KIF1B: variants seen among roughly 807,000 people sequenced by gnomAD.
KIF1B encodes kinesin-like protein KIF1B.
Under a neutral mutation model 241.9 loss-of-function variants are expected in KIF1B, and 76 were observed. The observed-to-expected ratio is 0.31, with a 90% CI of 0.26 to 0.38. The LOEUF (loss-of-function observed/expected upper bound fraction) is 0.38. KIF1B is among the 10% of genes least tolerant of loss of function. The probability of loss-of-function intolerance (pLI) is 1.00; values close to 1 mark genes in which losing one functional copy is unlikely to be tolerated. For missense variants in KIF1B, 1,622 were observed against 2,271.4 expected, an observed-to-expected ratio of 0.71 and a Z score of 5.81; for synonymous variants, 750 against 796.7, an observed-to-expected ratio of 0.94 and a Z score of 0.99.
At chr1:10,273,664 A>T (rs1261343748) in intron 10 of KIF1B, among the ~76,000 whole-genome samples, 2 of 140,834 alleles carry the variant, frequency 1.4e-5, no homozygotes, top group Non-Finnish European at 3.0e-5. Context: ...TTAATAAGAG[A>T]TGGAATTAAA....
chr1:10,357,735 G>A (rs994574515), intron 38 of KIF1B, among the ~76,000 whole-genome samples: 4 of 151,436 alleles, frequency 2.6e-5, no homozygotes, highest in African/African-American at 9.7e-5. Context: ...TAGGCCAGGC[G>A]CAGTGGCTCA....
chr1:10,357,795 G>A (rs10864454), intron 38 of KIF1B, among the ~76,000 whole-genome samples: 20,642 of 151,918 alleles, frequency 0.14, 1,517 homozygotes, highest in South Asian at 0.18. Context: ...GATCACCTGA[G>A]GTCAGGAGTT....
intron 12 of KIF1B, among the ~76,000 whole-genome samples, chr1:10,277,067 G>A (rs1167721152): frequency 2.7e-5 from 4 of 149,208 alleles, no homozygotes; most frequent in East Asian, 1.9e-4. Context: ...GAGACAGAGC[G>A]AGACTCCATC....
At chr1:10,272,981 C>G in intron 9 of KIF1B, 33 bp from the exon 10 acceptor site, 2 of 1,532,388 alleles carry the variant, frequency 1.3e-6, no homozygotes, top group Non-Finnish European at 1.8e-6. Context: ...ATCCTGTGTT[C>G]TTATTTTCTC....
rs1318417298 is a variant in KIF1B at position 10,365,290 on chromosome 1, G to GT, written c.4512+45_4512+46insT. 4 of 1,613,286 alleles carry GT rather than the reference G, an allele frequency of 2.5e-6. No homozygotes were observed. Among genetic ancestry groups the GT allele is most frequent in the Non-Finnish European group, 2.5e-6 (3 of 1,179,630 alleles). On this transcript the variant is annotated intron_variant, in intron 42 of 48. Coordinates refer to ENST00000676179, the MANE Select transcript of KIF1B (RefSeq NM_001365951.3). This position sits in a 1 kb window ranked among gnomAD's most constrained non-coding sequence, Gnocchi z 4.0. ...TTCAGATGCAAGAACTCTCGGACAA[G>GT]ATTGCCAAAGTATCAGTCTTCCTCC...
intron 5 of KIF1B, among the ~76,000 whole-genome samples, chr1:10,264,106 C>T (rs1296779701): frequency 6.6e-6 from 1 of 152,166 alleles, no homozygotes; most frequent in African/African-American, 2.4e-5. Context: ...TTGCCCTTTA[C>T]CCCACATCCT....
intron 38 of KIF1B, among the ~76,000 whole-genome samples, chr1:10,355,134 C>T (rs987769053): frequency 2.0e-5 from 3 of 152,188 alleles, no homozygotes; most frequent in Non-Finnish European, 4.4e-5. Context: ...TCTCCACTTT[C>T]CCTCTTATGT....
intron 37 of KIF1B, among the ~76,000 whole-genome samples, chr1:10,349,503 A>G (rs1460027854): frequency 1.3e-5 from 2 of 152,144 alleles, no homozygotes; most frequent in African/African-American, 4.8e-5. Flanking sequence ...GACAGCATAT[A>G]TATGTGCAGA....
intron 16 of KIF1B, among the ~76,000 whole-genome samples, chr1:10,291,436 C>T (rs759322628): frequency 1.7e-4 from 26 of 152,032 alleles, no homozygotes; most frequent in Non-Finnish European, 2.6e-4. Context: ...ATTGGCCAGG[C>T]GCGGTGGCTC....
chr1:10,328,516 T>C (rs1421625924), intron 27 of KIF1B, among the ~76,000 whole-genome samples: 1 of 152,250 alleles, frequency 6.6e-6, no homozygotes. Flanking sequence ...TTTATTAAAA[T>C]TGAGAAAGGT....
intron 22 of KIF1B, among the ~76,000 whole-genome samples, chr1:10,310,024 A>G (rs915749884): frequency 2.0e-5 from 3 of 151,458 alleles, no homozygotes; most frequent in African/African-American, 7.4e-5. Flanking sequence ...CTTTCTGCCC[A>G]GCCCACCACA....
intron 28 of KIF1B, 140 bp from the exon 29 acceptor site, chr1:10,336,517 G>A (rs570515478): frequency 5.1e-5 from 38 of 749,998 alleles, no homozygotes; most frequent in African/African-American, 3.3e-4. Flanking sequence ...AATAGAGTGC[G>A]AAGCAGCCCA....
At chr1:10,226,872 G>A (rs919576688) in intron 1 of KIF1B, among the ~76,000 whole-genome samples, 5 of 151,978 alleles carry the variant, frequency 3.3e-5, no homozygotes, top group African/African-American at 1.2e-4. Flanking sequence ...GGAAGCTGAG[G>A]TGGGAGAATC....
chr1:10,227,129 G>T (rs370412394), intron 1 of KIF1B, among the ~76,000 whole-genome samples: 17 of 144,504 alleles, frequency 1.2e-4, no homozygotes, highest in African/African-American at 4.5e-4. Flanking sequence ...TCTGCCTCCC[G>T]GGTTCAAACA....
chr1:10,343,914 A>G (rs1652492205), intron 34 of KIF1B, among the ~76,000 whole-genome samples: 1 of 152,154 alleles, frequency 6.6e-6, no homozygotes, highest in Admixed American at 6.5e-5. Flanking sequence ...AACTTCCCAT[A>G]ACTGTCAGGG....
At chr1:10,304,257 A>G in intron 22 of KIF1B, 9 of 1,614,204 alleles carry the variant, frequency 5.6e-6, no homozygotes, top group Non-Finnish European at 7.6e-6. Flanking sequence ...GCTCTCAAGG[A>G]ATGAGAAGTC....
chr1:10,278,223 A>G (rs1326852827), intron 13 of KIF1B, 95 bp downstream of exon 13: 2 of 1,251,898 alleles, frequency 1.6e-6, no homozygotes, highest in Admixed American at 1.9e-5. Flanking sequence ...CAAGTTAAGG[A>G]GCATGATGAA....
chr1:10,243,923 A>G (rs1191810168), intron 2 of KIF1B, among the ~76,000 whole-genome samples: 2 of 151,526 alleles, frequency 1.3e-5, no homozygotes, highest in African/African-American at 4.9e-5. Context: ...TCTCTTTAGA[A>G]TCATTCAAAA....
At chr1:10,284,918 T>G (rs1291892867) in intron 15 of KIF1B, among the ~76,000 whole-genome samples, 1 of 151,688 alleles carries the variant, frequency 6.6e-6, no homozygotes, top group African/African-American at 2.4e-5. Context: ...AACATGTAAG[T>G]GGAAAGTGAG....
Sources: gnomAD v4.1 joint callset for allele counts (sites outside exome capture counted in the v4.1 genomes callset) on GRCh38, gnomAD v4.1.1 for gene constraint, Gnocchi (gnomAD v3.1) non-coding constraint, MANE v1.5 for transcripts, NCBI Gene and HGNC (gene_info 2026-07-23, HGNC 2026-07-21) for gene names.